The following GLT1D1 variants were observed in gnomAD, a reference collection of about 807,000 sequenced individuals.
The protein encoded by GLT1D1 is glycosyltransferase 1 domain-containing protein 1.
In GLT1D1, 21 loss-of-function variants were observed where a neutral mutation model predicts 28.7. The ratio of observed to expected loss-of-function variants is 0.73; its 90% CI spans 0.52 to 1.05. GLT1D1 has a LOEUF of 1.05. GLT1D1 is among the 50% of genes least tolerant of loss of function. GLT1D1 has a pLI of 0.00. For missense variants in GLT1D1, 343 were observed against 330.6 expected, an observed-to-expected ratio of 1.04 and a Z score of -0.29; for synonymous variants, 147 against 124.8, an observed-to-expected ratio of 1.18 and a Z score of -1.19.
intron 4 of GLT1D1, among the ~76,000 whole-genome samples, chr12:128,925,955 C>T (rs909013313): frequency 6.6e-6 from 1 of 152,056 alleles, no homozygotes; most frequent in African/African-American, 2.4e-5. Flanking sequence ...CTTTGGGAGC[C>T]CAAGGCGGGC....
intron 2 of GLT1D1, among the ~76,000 whole-genome samples, chr12:128,883,194 G>A (rs1429324343): frequency 6.6e-6 from 1 of 151,736 alleles, no homozygotes; most frequent in Admixed American, 6.6e-5. Flanking sequence ...AAAGTGCTGG[G>A]ATTAGAGGCG....
chr12:128,892,732 A>G (rs1042600791), intron 3 of GLT1D1, among the ~76,000 whole-genome samples: 4 of 151,870 alleles, frequency 2.6e-5, no homozygotes, highest in Non-Finnish European at 4.4e-5. Flanking sequence ...AAATAGTTAT[A>G]TTTTTCCTAT....
chr12:128,962,766 A>G (rs753470787), intron 7 of GLT1D1, among the ~76,000 whole-genome samples: 1 of 152,040 alleles, frequency 6.6e-6, no homozygotes, highest in Non-Finnish European at 1.5e-5. Context: ...CAGTGATGTG[A>G]TCTCGGCTTG....
At chr12:128,857,937 G>T (rs1451303041) in intron 1 of GLT1D1, among the ~76,000 whole-genome samples, 1 of 152,188 alleles carries the variant, frequency 6.6e-6, no homozygotes, top group Non-Finnish European at 1.5e-5. Context: ...CAGATCAGAG[G>T]TCAGGGAAAG....
chr12:128,935,267 C>A lies in GLT1D1; in HGVS notation c.376-10059C>A, dbSNP rs185334734. Among the ~76,000 whole-genome samples, 160 of 152,240 alleles carry A rather than the reference C, an allele frequency of 1.1e-3. 1 individual carries two copies. Among genetic ancestry groups the A allele is most frequent in the African/African-American group, 3.8e-3 (157 of 41,536 alleles). Reference sequence around the variant, plus strand: ...AGAGCTTTATGAAATAGTAGAGTAGCCGGGCGCGGTGGCTCACGTCTGTAA... The same window carrying A: ...AGAGCTTTATGAAATAGTAGAGTAGACGGGCGCGGTGGCTCACGTCTGTAA... On this transcript the variant is annotated intron_variant, in intron 4 of 7. Transcript: ENST00000281703.
chr12:128,920,295 C>T (rs1872546456), intron 4 of GLT1D1, among the ~76,000 whole-genome samples: 5 of 152,048 alleles, frequency 3.3e-5, no homozygotes, highest in Admixed American at 3.3e-4. Flanking sequence ...GCCTGTAATC[C>T]CAGCACTTCG....
In GLT1D1 at chr12:128,879,670, T is replaced by C. The variant is rs888097937; in HGVS notation, c.217+3608T>C. 5.9e-5 allele frequency among the ~76,000 whole-genome samples: 9 copies of C among 152,138 alleles called. No individual in the cohort carries two copies. In the South Asian group the frequency reaches 1.9e-3, roughly 32 times the overall value. The stretch of plus-strand genomic sequence containing the variant: ...CGGGCTTTCACTGTGTTGGCCAGGC[T>C]GGTCTCCATCTCCTGGCTTAAAGTT... On this transcript the variant is annotated intron_variant, in intron 2 of 7. Coordinates refer to ENST00000281703, the MANE Select transcript of GLT1D1 (RefSeq NM_144669.3).
At chr12:128,861,959 G>C (rs1956388850) in intron 1 of GLT1D1, among the ~76,000 whole-genome samples, 1 of 152,192 alleles carries the variant, frequency 6.6e-6, no homozygotes, top group Admixed American at 6.5e-5. Flanking sequence ...AGACAAGGAG[G>C]CTATTTTATT....
In GLT1D1 at chr12:128,860,225, C is replaced by A. The variant is rs1593042793; in HGVS notation, c.68+6576C>A. ...CCTGTAATCCCAACACTTTGGGAGG[C>A]CGAGGCGGGCAGATCACCTGAGGTC... On this transcript the variant is annotated intron_variant, in intron 1 of 7. Transcript: ENST00000281703. Among the ~76,000 whole-genome samples the A allele has an allele frequency of 2.6e-5, 4 of 152,352 alleles. No individual in the cohort carries two copies. In the South Asian group the frequency reaches 6.2e-4, roughly 24 times the overall value.
intron 4 of GLT1D1, among the ~76,000 whole-genome samples, chr12:128,941,468 G>C (rs371791736): frequency 3.9e-5 from 6 of 152,036 alleles, no homozygotes; most frequent in African/African-American, 1.4e-4. Flanking sequence ...TTGGCTGAAG[G>C]GTTCTCACTC....
intron 6 of GLT1D1, among the ~76,000 whole-genome samples, chr12:128,950,710 C>A (rs1379332866): frequency 6.6e-6 from 1 of 152,208 alleles, no homozygotes; most frequent in East Asian, 1.9e-4. Flanking sequence ...TCTCTGTAAA[C>A]CTTTATCAGC....
intron 4 of GLT1D1, among the ~76,000 whole-genome samples, chr12:128,938,477 A>G (rs1012507292): frequency 1.3e-5 from 2 of 152,218 alleles, no homozygotes; most frequent in Non-Finnish European, 2.9e-5. Context: ...AACATTACCA[A>G]TCCTTTGCGT....
intron 4 of GLT1D1, 156 bp from the exon 9 acceptor site, chr12:128,945,170 T>G: frequency 2.5e-6 from 2 of 790,050 alleles, no homozygotes; most frequent in South Asian, 2.8e-5. Flanking sequence ...GGGGCCCCCA[T>G]GATCACCACA....
intron 1 of GLT1D1, among the ~76,000 whole-genome samples, chr12:128,868,683 C>T (rs968222421): frequency 6.6e-6 from 1 of 152,076 alleles, no homozygotes; most frequent in African/African-American, 2.4e-5. Context: ...AGCTGGGTGC[C>T]GACTGCCAGA....
chr12:128,958,121 T>C (rs1430895266), intron 7 of GLT1D1, among the ~76,000 whole-genome samples: 1 of 152,212 alleles, frequency 6.6e-6, no homozygotes, highest in Non-Finnish European at 1.5e-5. Context: ...TCGGTCCAGC[T>C]GGTTATCCAG....
At position 128,949,857 on chromosome 12, in the gene GLT1D1, C is replaced by T. The variant is rs557236563; in HGVS notation, c.540+2399C>T. On this transcript the variant is annotated intron_variant, in intron 6 of 7. Coordinates refer to ENST00000281703, the MANE Select transcript of GLT1D1 (RefSeq NM_144669.3). Reference sequence around the variant, plus strand: ...GCACATGCACACGCACGTACACACACGTGTACGCACACACACACGCTCTGC... The same window carrying T: ...GCACATGCACACGCACGTACACACATGTGTACGCACACACACACGCTCTGC... Among the ~76,000 whole-genome samples, 10 of 152,170 alleles carry T rather than the reference C, an allele frequency of 6.6e-5. 1 individual carries two copies. Among genetic ancestry groups the T allele is most frequent in the East Asian group, 3.9e-4 (2 of 5,174 alleles).
chr12:128,918,926 CT>C, intron 4 of GLT1D1, among the ~76,000 whole-genome samples: 1 of 152,340 alleles, frequency 6.6e-6, no homozygotes, highest in Admixed American at 6.5e-5. Context: ...GCGTTTTCCT[CT>C]GGAGACCTAC....
intron 4 of GLT1D1, among the ~76,000 whole-genome samples, chr12:128,940,310 G>A (rs1008154892): frequency 2.0e-5 from 3 of 152,118 alleles, no homozygotes; most frequent in African/African-American, 4.8e-5. Context: ...ATAGTTTTAC[G>A]AATTCAGCCC....
intron 6 of GLT1D1, 40 bp downstream of exon 10, chr12:128,947,498 A>G: frequency 6.2e-7 from 1 of 1,610,566 alleles, no homozygotes; most frequent in Non-Finnish European, 8.5e-7. Flanking sequence ...GGAGTGTGAA[A>G]TTGTCCATCA....
Sources: gnomAD v4.1 joint callset for allele counts (sites outside exome capture counted in the v4.1 genomes callset) on GRCh38, gnomAD v4.1.1 for gene constraint, MANE v1.5 for transcripts, NCBI Gene and HGNC (gene_info 2026-07-23, HGNC 2026-07-21) for gene names.